The following ANK3 variants were observed in gnomAD, a reference collection of about 807,000 sequenced individuals.
ANK3 encodes ankyrin-3.
In ANK3, 57 loss-of-function variants were observed where a neutral mutation model predicts 370.9. The observed-to-expected ratio is 0.15, with a 90% confidence interval of 0.12 to 0.19. The LOEUF (loss-of-function observed/expected upper bound fraction) is 0.19. Ranked by LOEUF, ANK3 falls within the 10% of genes least tolerant of loss-of-function variation. The pLI is 1.00. For missense variants in ANK3, 4,439 were observed against 5,302.1 expected (o/e 0.84, Z 5.06); for synonymous variants, 1,929 against 1,946.3 (o/e 0.99, Z 0.23).
In ANK3 at chr10:60,139,105, A is replaced by G; in HGVS notation, c.2615-18T>C. 6.2e-7 allele frequency: 1 copy of G among 1,608,836 alleles called. No homozygotes were observed. The highest frequency in any genetic ancestry group is 8.5e-7 in the Non-Finnish European group (1 of 1,178,030). Reference sequence around the variant, plus strand: ...ATCTTCACCTGCAGATGTAGAGAGTAAGCCCACATCAAAAGCTTCCCTTTT... The same window carrying G: ...ATCTTCACCTGCAGATGTAGAGAGTGAGCCCACATCAAAAGCTTCCCTTTT... On this transcript the variant is annotated intron_variant, in intron 23 of 43. Transcript: ENST00000280772.
At chr10:60,318,660 G>A (rs897913184) in intron 1 of ANK3, among the ~76,000 whole-genome samples, 2 of 152,006 alleles carry the variant, frequency 1.3e-5, no homozygotes, top group Non-Finnish European at 2.9e-5. Context: ...GGAGAGGAGG[G>A]GGGATCATAA....
At chr10:60,328,205 C>T (rs1031962301) in intron 1 of ANK3, among the ~76,000 whole-genome samples, 5 of 152,076 alleles carry the variant, frequency 3.3e-5, no homozygotes, top group Admixed American at 2.6e-4. Context: ...GAAGCAAATA[C>T]AACAAGAAAT....
At chr10:60,410,645 C>A (rs941781579) in intron 2 of ANK3, among the ~76,000 whole-genome samples, 6 of 152,078 alleles carry the variant, frequency 3.9e-5, no homozygotes, top group African/African-American at 1.4e-4. Context: ...CACCTCCAGG[C>A]CTGGTCCTTA....
intron 1 of ANK3, among the ~76,000 whole-genome samples, chr10:60,327,312 G>T (rs1478424802): frequency 6.6e-6 from 1 of 152,204 alleles, no homozygotes; most frequent in Non-Finnish European, 1.5e-5. Flanking sequence ...TTTGAGATAG[G>T]AAGGGGACAA....
chr10:60,615,352 C>T, intron 1 of ANK3: 1 of 482,920 alleles, frequency 2.1e-6, no homozygotes. Flanking sequence ...AAGGGGAGAA[C>T]ACAAAGTAAA....
At chr10:60,602,606 G>T (rs1386882247) in intron 2 of ANK3, among the ~76,000 whole-genome samples, 1 of 152,028 alleles carries the variant, frequency 6.6e-6, no homozygotes, top group East Asian at 1.9e-4. Flanking sequence ...TCTTAAATTG[G>T]GATATATGGA....
intron 29 of ANK3, 71 bp downstream of exon 29, chr10:60,088,075 CT>C: frequency 3.2e-6 from 4 of 1,257,120 alleles, no homozygotes; most frequent in Non-Finnish European, 4.6e-6. Context: ...TAGAATAACT[CT>C]TTCCAGAGCA....
chr10:60,660,812 G>A (rs1300656559), intron 1 of ANK3, among the ~76,000 whole-genome samples: 5 of 152,042 alleles, frequency 3.3e-5, no homozygotes, highest in African/African-American at 9.7e-5. Context: ...CATTGTATGA[G>A]CTCAACAGTG....
chr10:60,588,760 C>T (rs936743390), intron 2 of ANK3, among the ~76,000 whole-genome samples: 8 of 148,220 alleles, frequency 5.4e-5, no homozygotes, highest in African/African-American at 1.5e-4. Context: ...TAAAAAAAAA[C>T]ATAGTTGGGC....
intron 27 of ANK3, among the ~76,000 whole-genome samples, chr10:60,107,634 T>C (rs2092323103): frequency 6.6e-6 from 1 of 152,254 alleles, no homozygotes; most frequent in South Asian, 2.1e-4. Flanking sequence ...TTTAATTTTA[T>C]TTAAATATCT....
chr10:60,120,644 C>A (rs2093412045), intron 25 of ANK3, among the ~76,000 whole-genome samples: 1 of 151,920 alleles, frequency 6.6e-6, no homozygotes, highest in Non-Finnish European at 1.5e-5. Context: ...AATAATCCAA[C>A]TAAAAATAGG....
At chr10:60,382,972 TA>T (rs1462155715) in intron 1 of ANK3, among the ~76,000 whole-genome samples, 4 of 152,072 alleles carry the variant, frequency 2.6e-5, no homozygotes, top group Admixed American at 6.6e-5. Flanking sequence ...GTAAATAATT[TA>T]ACTTTCAACA....
At chr10:60,356,587 G>A (rs531298652) in intron 1 of ANK3, among the ~76,000 whole-genome samples, 3 of 152,302 alleles carry the variant, frequency 2.0e-5, no homozygotes, top group Non-Finnish European at 4.4e-5. Context: ...AAATGCTTTG[G>A]ACTCTATTGG....
intron 4 of ANK3, among the ~76,000 whole-genome samples, chr10:60,278,499 C>T (rs2098120493): frequency 6.6e-6 from 1 of 152,086 alleles, no homozygotes; most frequent in South Asian, 2.1e-4. Flanking sequence ...CTCAGCCTCC[C>T]AAGTATCTGG....
intron 2 of ANK3, among the ~76,000 whole-genome samples, chr10:60,422,165 C>T (rs1934759): frequency 0.21 from 32,033 of 151,806 alleles, 4,032 homozygotes; most frequent in African/African-American, 0.36. Context: ...TGAACAACTT[C>T]CACCAAAGTC....
intron 1 of ANK3, among the ~76,000 whole-genome samples, chr10:60,704,656 T>C (rs1204231128): frequency 6.6e-6 from 1 of 152,192 alleles, no homozygotes; most frequent in African/African-American, 2.4e-5. Context: ...ACAAAGGTCA[T>C]TCTAGGAAAT....
intron 25 of ANK3, among the ~76,000 whole-genome samples, chr10:60,116,420 G>A (rs1316070488): frequency 3.9e-5 from 6 of 152,012 alleles, no homozygotes; most frequent in Non-Finnish European, 5.9e-5. Context: ...ACAGCTGACC[G>A]TCACTAGACT....
At chr10:60,133,035 T>C (rs1329346121) in intron 25 of ANK3, among the ~76,000 whole-genome samples, 1 of 152,172 alleles carries the variant, frequency 6.6e-6, no homozygotes, top group African/African-American at 2.4e-5. Flanking sequence ...AAAATATATA[T>C]TGTAGGTTCC....
intron 1 of ANK3, among the ~76,000 whole-genome samples, chr10:60,655,252 G>A (rs2078847893): frequency 6.6e-6 from 1 of 151,638 alleles, no homozygotes; most frequent in Admixed American, 6.6e-5. Context: ...GCCTCAGGCA[G>A]GTCCTTCTGG....
Sources: allele counts gnomAD v4.1 joint callset (sites outside exome capture counted in the v4.1 genomes callset), GRCh38; gene constraint gnomAD v4.1.1; transcripts MANE v1.5; gene names NCBI Gene and HGNC (gene_info 2026-07-23, HGNC 2026-07-21).